Variants in ZNF609 observed in about 807,000 individuals in gnomAD.
ZNF609 encodes the protein zinc finger protein 609.
Under a neutral mutation model 109.5 loss-of-function variants are expected in ZNF609, and 11 were observed. That is an observed-to-expected ratio of 0.10 (90% CI 0.06 to 0.17). ZNF609 has a LOEUF of 0.17. Among genes scored for constraint, ZNF609 ranks in the 10% least tolerant of loss-of-function variants. ZNF609 has a pLI of 1.00. For missense variants in ZNF609, 1,559 were observed against 1,772.4 expected (o/e 0.88, Z 2.16); for synonymous variants, 646 against 662.0 (o/e 0.98, Z 0.37).
chr15:64,583,929 AT>A (rs1895152594), intron 2 of ZNF609, among the ~76,000 whole-genome samples: 1 of 152,066 alleles, frequency 6.6e-6, no homozygotes, highest in South Asian at 2.1e-4. Flanking sequence ...ACCTCTACCA[AT>A]TTTATAAGCT....
intron 2 of ZNF609, among the ~76,000 whole-genome samples, chr15:64,589,479 C>T (rs762048441): frequency 4.6e-5 from 7 of 152,198 alleles, no homozygotes; most frequent in Non-Finnish European, 7.3e-5. Context: ...CTATGCAATA[C>T]ACACTAGCAT....
chr15:64,525,569 A>G (rs796927095), intron 2 of ZNF609, among the ~76,000 whole-genome samples: 1 of 152,086 alleles, frequency 6.6e-6, no homozygotes, highest in Non-Finnish European at 1.5e-5. Flanking sequence ...TTGCATTTCC[A>G]TACAAATTTT....
chr15:64,574,964 C>T (rs1246115960), intron 2 of ZNF609, among the ~76,000 whole-genome samples: 8 of 152,136 alleles, frequency 5.3e-5, no homozygotes. Context: ...TCCTGAAGCA[C>T]TATTCATTTT....
At chr15:64,650,387 A>T (rs932389582) in intron 3 of ZNF609, among the ~76,000 whole-genome samples, 1 of 149,656 alleles carries the variant, frequency 6.7e-6, no homozygotes, top group Non-Finnish European at 1.5e-5. Flanking sequence ...ACTGCACTCC[A>T]GCCTGGGCAA....
chr15:64,670,981 G>A (rs1452459486), intron 4 of ZNF609, among the ~76,000 whole-genome samples: 4 of 151,616 alleles, frequency 2.6e-5, no homozygotes, highest in African/African-American at 9.7e-5. Context: ...AGGCCAAGGC[G>A]GGTGGATCAT....
At position 64,675,418 on chromosome 15, in the gene ZNF609, G is replaced by A. The variant is rs1248658372; in HGVS notation, c.2564G>A (p.Gly855Glu). ...YSDISDAGED[G>E]EGKVDSVKSK... The stretch of plus-strand genomic sequence containing the variant: ...GACATCTCTGATGCTGGGGAGGATG[G>A]GGAGGGCAAGGTAGACAGTGTCAAA... The change falls in exon 5 of 10, where the codon GGG (glycine) becomes GAG (glutamate). Residue 855 changes from glycine to glutamate, a missense_variant. Gly to Glu is a moderately conservative substitution (Grantham distance 98). Around this residue, in one of 4 missense-constraint regions of ZNF609, gnomAD observed 1,204 missense variants for 1,314.1 expected, o/e 0.92. Coordinates refer to ENST00000326648, the MANE Select transcript of ZNF609 (RefSeq NM_015042.2). 5.6e-6 allele frequency: 9 copies of A among 1,614,206 alleles called. No homozygotes were observed. Among genetic ancestry groups the A allele is most frequent in the Non-Finnish European group, 7.6e-6 (9 of 1,180,046 alleles).
At chr15:64,475,992 C>G (rs1339037118) in intron 1 of ZNF609, among the ~76,000 whole-genome samples, 2 of 152,144 alleles carry the variant, frequency 1.3e-5, no homozygotes, top group African/African-American at 4.8e-5. Context: ...AGAAATTGTT[C>G]AGATTCAAGG....
chr15:64,677,138 A>G (rs564172948), intron 5 of ZNF609, among the ~76,000 whole-genome samples: 5 of 151,956 alleles, frequency 3.3e-5, no homozygotes, highest in Admixed American at 3.3e-4. Flanking sequence ...GTCATAGCTC[A>G]CTGCAATTTC....
At chr15:64,666,845 G>C (rs1896655997) in intron 3 of ZNF609, among the ~76,000 whole-genome samples, 1 of 150,614 alleles carries the variant, frequency 6.6e-6, no homozygotes. Context: ...TCTAAGATTT[G>C]GGCCAGGCGC....
At chr15:64,625,213 A>G (rs1374029220) in intron 3 of ZNF609, among the ~76,000 whole-genome samples, 2 of 152,188 alleles carry the variant, frequency 1.3e-5, no homozygotes, top group Admixed American at 6.5e-5. Flanking sequence ...TCATCATTGT[A>G]TCCAAGGTAC....
chr15:64,595,762 A>G (rs954182409), intron 2 of ZNF609, among the ~76,000 whole-genome samples: 1 of 152,142 alleles, frequency 6.6e-6, no homozygotes, highest in Non-Finnish European at 1.5e-5. Flanking sequence ...TAAGATAATT[A>G]CTCCAATGTG....
rs1896786528 is a variant in ZNF609 at position 64,674,938 on chromosome 15, T to C, written c.2084T>C (p.Met695Thr). Reference sequence around the variant, plus strand: ...TTGACCGCCACAGTGGCACAAGCCATGCCCAACAGTCCCCAACTCAAGCCC... The same window carrying C: ...TTGACCGCCACAGTGGCACAAGCCACGCCCAACAGTCCCCAACTCAAGCCC... ...SGLTATVAQA[M>T]PNSPQLKPIQ... is the part of the protein sequence containing the mutation. Residue 695 changes from methionine (M) to threonine (T), a missense_variant, in exon 5 of 10, where the codon ATG (methionine) becomes ACG (threonine). Coordinates refer to ENST00000326648, the MANE Select transcript of ZNF609 (RefSeq NM_015042.2). 6.2e-7 allele frequency: 1 copy of C among 1,613,958 alleles called. No individual in the cohort carries two copies.
chr15:64,614,524 C>T (rs1417157528), intron 2 of ZNF609, among the ~76,000 whole-genome samples: 2 of 151,912 alleles, frequency 1.3e-5, no homozygotes, highest in African/African-American at 4.8e-5. Context: ...TGAGCCACCG[C>T]GCCTGGCCTT....
At chr15:64,471,305 G>T (rs999435023) in intron 1 of ZNF609, 1 of 151,844 alleles carries the variant, frequency 6.6e-6, no homozygotes. Context: ...AGGTTGCAGT[G>T]AGCTGAGATT....
At chr15:64,633,193 G>T (rs1896113211) in intron 3 of ZNF609, among the ~76,000 whole-genome samples, 1 of 151,618 alleles carries the variant, frequency 6.6e-6, no homozygotes, top group African/African-American at 2.4e-5. Flanking sequence ...TGTTGCCCAG[G>T]CTGGAGTGCA....
chr15:64,526,825 G>T (rs1893973760), intron 2 of ZNF609, among the ~76,000 whole-genome samples: 1 of 152,016 alleles, frequency 6.6e-6, no homozygotes, highest in South Asian at 2.1e-4. Context: ...GTTTTTTGTA[G>T]ACACAGGGTT....
rs1260828840 is a variant in ZNF609, at chr15:64,675,210, G to A, written c.2356G>A (p.Ala786Thr). 3 of 1,614,042 alleles carry A rather than the reference G, an allele frequency of 1.9e-6. No homozygotes were observed. In the South Asian group the frequency reaches 3.3e-5, roughly 18 times the overall value. Residue 786 changes from alanine to threonine, a missense_variant, in exon 5 of 10, where the codon GCT (alanine) becomes ACT (threonine). Physicochemically the swap from Ala to Thr is moderately conservative, Grantham distance 58. This residue lies in a region of ZNF609 where 1,204 missense variants were observed against 1,314.1 expected (regional missense o/e 0.92). Coordinates refer to ENST00000326648, the MANE Select transcript of ZNF609 (RefSeq NM_015042.2). ...ATCAGACCCCCACCAAAGCCGACTG[G>A]CTAGCATCAAGGCTGAAGCCGACAA... ...GSSDPHQSRL[A>T]SIKAEADKIY...
At chr15:64,557,190 C>CTTTT (rs11307309) in intron 2 of ZNF609, among the ~76,000 whole-genome samples, 1 of 141,614 alleles carries the variant, frequency 7.1e-6, no homozygotes, top group South Asian at 2.2e-4. Context: ...TCTTATTCTT[C>CTTTT]TTTTTTTTTT....
At chr15:64,668,926 T>TTG (rs1380934156) in intron 3 of ZNF609, among the ~76,000 whole-genome samples, 2 of 115,512 alleles carry the variant, frequency 1.7e-5, no homozygotes, top group Admixed American at 1.3e-4. Flanking sequence ...CACTCCAGCC[T>TTG]GGGCAACAAG....
Sources: allele counts gnomAD v4.1 joint callset (sites outside exome capture counted in the v4.1 genomes callset), GRCh38; gene constraint gnomAD v4.1.1; regional missense constraint gnomAD v4.1.1; transcripts MANE v1.5; gene names NCBI Gene and HGNC (gene_info 2026-07-23, HGNC 2026-07-21).